PLCB1: variants seen among roughly 807,000 people sequenced by gnomAD.
PLCB1 encodes phospholipase C beta 1, also known as 1-phosphatidylinositol 4,5-bisphosphate phosphodiesterase beta-1.
PLCB1 carries 46 observed loss-of-function variants against 161.8 expected under a neutral mutation model. The observed-to-expected ratio is 0.28, with a 90% CI of 0.22 to 0.36. The LOEUF (loss-of-function observed/expected upper bound fraction) is 0.36, where lower values mean the gene tolerates loss of function less well. PLCB1 is among the 10% of genes least tolerant of loss of function. The pLI, the probability that PLCB1 is intolerant of heterozygous loss-of-function variation, is 1.00. For synonymous variants in PLCB1, 517 were observed against 503.7 expected, an observed-to-expected ratio of 1.03 and a Z score of -0.35; for missense variants, 1,016 against 1,472.5, an observed-to-expected ratio of 0.69 and a Z score of 5.07.
At chr20:8,321,003 T>A in intron 2 of PLCB1, among the ~76,000 whole-genome samples, 3 of 140,032 alleles carry the variant, frequency 2.1e-5, no homozygotes, top group Non-Finnish European at 3.1e-5. Flanking sequence ...GAAAGGGAAG[T>A]AAAACAGGGA....
chr20:8,825,688 T>C (rs901976314), intron 31 of PLCB1, among the ~76,000 whole-genome samples: 3 of 152,224 alleles, frequency 2.0e-5, no homozygotes, highest in Non-Finnish European at 4.4e-5. Context: ...AAGGTAGTGA[T>C]ATGATCAGAT....
intron 3 of PLCB1, among the ~76,000 whole-genome samples, chr20:8,557,457 T>C (rs1568507085): frequency 6.6e-6 from 1 of 152,042 alleles, no homozygotes; most frequent in South Asian, 2.1e-4. Context: ...AGGACAGATA[T>C]TTGTATGATT....
chr20:8,672,135 TACTC>T (rs1404407939), intron 9 of PLCB1, among the ~76,000 whole-genome samples: 1 of 152,188 alleles, frequency 6.6e-6, no homozygotes, highest in East Asian at 1.9e-4. Context: ...AATCCCAACT[TACTC>T]ACTTATGAAT....
At chr20:8,554,132 G>C (rs755320111) in intron 3 of PLCB1, among the ~76,000 whole-genome samples, 1 of 150,828 alleles carries the variant, frequency 6.6e-6, no homozygotes, top group African/African-American at 2.4e-5. Context: ...TTGTAGAATA[G>C]CTGAAACTCT....
At chr20:8,733,717 C>T (rs1980402307) in intron 19 of PLCB1, among the ~76,000 whole-genome samples, 1 of 150,378 alleles carries the variant, frequency 6.6e-6, no homozygotes, top group Admixed American at 6.7e-5. Context: ...TGCAGCACAC[C>T]AGCATGGCAC....
At chr20:8,789,371 C>G in intron 29 of PLCB1, 147 bp from the exon 30 acceptor site, 1 of 637,352 alleles carries the variant, frequency 1.6e-6, no homozygotes, top group South Asian at 1.9e-5. Flanking sequence ...AGAGCGAAAC[C>G]TTGTCTCCAA....
intron 31 of PLCB1, among the ~76,000 whole-genome samples, chr20:8,838,373 C>T (rs1349076484): frequency 1.3e-5 from 2 of 152,298 alleles, no homozygotes; most frequent in East Asian, 1.9e-4. Flanking sequence ...TTCCAGAAGG[C>T]CCAGTATTTC....
chr20:8,699,518 G>C (rs184386270), intron 11 of PLCB1, among the ~76,000 whole-genome samples: 29 of 152,224 alleles, frequency 1.9e-4, no homozygotes, highest in Admixed American at 5.9e-4. Context: ...AAGATTGAAA[G>C]GTAGTGTTTT....
chr20:8,132,454 T>C lies in PLCB1; in HGVS notation c.-198T>C. The C allele has an allele frequency of 3.1e-6, 1 of 323,244 alleles. No homozygotes were observed. The allele number at this position is 323,244 out of a possible 1,614,324, so 20.0% of individuals were successfully genotyped here. A position where few individuals can be genotyped will look rare whatever the true frequency, so the allele number is the denominator to read the frequency against. On this transcript the variant is annotated 5_prime_UTR_variant, in exon 1 of 32. Coordinates refer to ENST00000338037, the MANE Select transcript of PLCB1 (RefSeq NM_015192.4). The surrounding 1 kb of genome is among the most constrained non-coding windows in gnomAD (Gnocchi z 5.2). ...TCCCGCCCGGGGCATGGCCGGGCGC[T>C]GCGCCCCCGCGCGCTCTGCCTGCTG... is the stretch of plus-strand genomic sequence containing the variant.
At chr20:8,690,328 G>A (rs1415640174) in intron 10 of PLCB1, among the ~76,000 whole-genome samples, 1 of 152,116 alleles carries the variant, frequency 6.6e-6, no homozygotes, top group African/African-American at 2.4e-5. Flanking sequence ...AGGCAGTGGA[G>A]CAGAAGGATG....
chr20:8,482,415 A>G (rs1982543735), intron 3 of PLCB1, among the ~76,000 whole-genome samples: 1 of 152,124 alleles, frequency 6.6e-6, no homozygotes, highest in Admixed American at 6.5e-5. Context: ...AATTATTTTT[A>G]AAACTGTGGT....
intron 31 of PLCB1, among the ~76,000 whole-genome samples, chr20:8,814,152 A>G (rs752074282): frequency 4.6e-5 from 7 of 152,194 alleles, no homozygotes; most frequent in Non-Finnish European, 1.0e-4. Context: ...ACAGTCCCTC[A>G]GTATTTAAGT....
chr20:8,686,520 TA>T (rs1238891139), intron 10 of PLCB1, among the ~76,000 whole-genome samples: 3 of 152,212 alleles, frequency 2.0e-5, no homozygotes, highest in Non-Finnish European at 4.4e-5. Flanking sequence ...TGTCATATAA[TA>T]AATGAGTCAG....
intron 3 of PLCB1, among the ~76,000 whole-genome samples, chr20:8,476,762 G>T (rs1410508233): frequency 6.6e-6 from 1 of 152,080 alleles, no homozygotes; most frequent in African/African-American, 2.4e-5. Context: ...GAATAGACGG[G>T]CCTTGGAATA....
chr20:8,625,097 T>G (rs1224613179), intron 3 of PLCB1, among the ~76,000 whole-genome samples: 3 of 152,202 alleles, frequency 2.0e-5, no homozygotes, highest in Non-Finnish European at 4.4e-5. Flanking sequence ...CTATTTTGAT[T>G]TTATTTGTTT....
chr20:8,479,043 A>G (rs1362985182), intron 3 of PLCB1, among the ~76,000 whole-genome samples: 1 of 152,164 alleles, frequency 6.6e-6, no homozygotes, highest in East Asian at 1.9e-4. Flanking sequence ...TGGCATGAGT[A>G]TTCTCTATTA....
At chr20:8,154,892 G>C (rs140899364) in intron 2 of PLCB1, among the ~76,000 whole-genome samples, 1 of 152,286 alleles carries the variant, frequency 6.6e-6, no homozygotes, top group African/African-American at 2.4e-5. Flanking sequence ...GGTAACAAAA[G>C]ATGACTTGAA....
intron 31 of PLCB1, 65 bp downstream of exon 31, chr20:8,790,326 C>A: frequency 1.6e-6 from 2 of 1,257,162 alleles, no homozygotes; most frequent in South Asian, 1.3e-5. Context: ...AGAGTAAAAC[C>A]TTCCTGGTTT....
intron 2 of PLCB1, among the ~76,000 whole-genome samples, chr20:8,245,958 C>T (rs1980856521): frequency 6.6e-6 from 1 of 151,846 alleles, no homozygotes; most frequent in Admixed American, 6.6e-5. Context: ...AGATTCAAAT[C>T]CTGGATTTTC....
Sources: gnomAD v4.1 joint callset for allele counts (sites outside exome capture counted in the v4.1 genomes callset) on GRCh38, gnomAD v4.1.1 for gene constraint, Gnocchi (gnomAD v3.1) non-coding constraint, MANE v1.5 for transcripts, NCBI Gene and HGNC (gene_info 2026-07-23, HGNC 2026-07-21) for gene names.